Variants in PKD1L1 observed in about 807,000 individuals in gnomAD.
PKD1L1 encodes the protein polycystin-1-like protein 1.
PKD1L1 carries 236 observed loss-of-function variants against 323.4 expected under a neutral mutation model. That is an observed-to-expected ratio of 0.73 (90% CI 0.66 to 0.81). The LOEUF (loss-of-function observed/expected upper bound fraction) is 0.81, where lower values mean the gene tolerates loss of function less well. PKD1L1 is among the 40% of genes least tolerant of loss of function. The pLI is 0.00. For missense variants in PKD1L1, 3,320 were observed against 3,508.0 expected (o/e 0.95, Z 1.35); for synonymous variants, 1,344 against 1,335.0 (o/e 1.01, Z -0.15).
chr7:47,926,651 AAAGTTC>A (rs1787661077), intron 7 of PKD1L1, among the ~76,000 whole-genome samples: 1 of 152,222 alleles, frequency 6.6e-6, no homozygotes, highest in Admixed American at 6.5e-5. Context: ...GTGTGAGTCT[AAAGTTC>A]ATGTGGAAAA....
At chr7:47,799,081 G>A (rs1784606284) in intron 54 of PKD1L1, among the ~76,000 whole-genome samples, 1 of 152,232 alleles carries the variant, frequency 6.6e-6, no homozygotes, top group African/African-American at 2.4e-5. Flanking sequence ...CCCTGAGGCA[G>A]GAAGCAGTTA....
chr7:47,855,893 A>G (rs1361019886), intron 28 of PKD1L1, among the ~76,000 whole-genome samples: 2 of 150,450 alleles, frequency 1.3e-5, no homozygotes, highest in East Asian at 3.9e-4. Context: ...AAAAAAAAAA[A>G]AAAAAAAGAA....
chr7:47,904,263 G>C (rs759362387), intron 12 of PKD1L1, 115 bp downstream of exon 12: 8 of 1,396,908 alleles, frequency 5.7e-6, no homozygotes, highest in Non-Finnish European at 7.8e-6. Context: ...GTAATCATCT[G>C]TCACCTACGT....
chr7:47,832,699 A>G (rs921689445), intron 41 of PKD1L1, among the ~76,000 whole-genome samples: 5 of 152,224 alleles, frequency 3.3e-5, no homozygotes, highest in African/African-American at 1.2e-4. Flanking sequence ...CACCCTGGGC[A>G]CAGCCCTGGT....
At position 47,946,407 on chromosome 7, in the gene PKD1L1, C is replaced by T. The variant is rs570163905; in HGVS notation, c.44+1990G>A. 6.6e-6 allele frequency among the ~76,000 whole-genome samples: 1 copy of T among 150,474 alleles called. No homozygotes were observed. The highest frequency in any genetic ancestry group is 1.5e-5 in the Non-Finnish European group (1 of 67,574). On this transcript the variant is annotated intron_variant, in intron 1 of 56. Transcript: ENST00000289672. This position sits in a 1 kb window ranked among gnomAD's most constrained non-coding sequence, Gnocchi z 4.1. Reference sequence around the variant, plus strand: ...ACCACACTCACACCACACAAACACACCACACAGCATCACACACAATATACA... The same window carrying T: ...ACCACACTCACACCACACAAACACATCACACAGCATCACACACAATATACA...
At chr7:47,858,424 T>C (rs915192435) in intron 27 of PKD1L1, among the ~76,000 whole-genome samples, 2 of 151,886 alleles carry the variant, frequency 1.3e-5, no homozygotes, top group Non-Finnish European at 1.5e-5. Flanking sequence ...ATATCCCAAA[T>C]GAAAATCTAC....
intron 15 of PKD1L1, 62 bp from the exon 16 acceptor site, chr7:47,890,825 T>A: frequency 6.9e-7 from 1 of 1,457,494 alleles, no homozygotes; most frequent in South Asian, 1.2e-5. Context: ...GACTACCCTG[T>A]GTCACTGCAC....
chr7:47,880,247 G>GATAT (rs1270124549), intron 21 of PKD1L1, among the ~76,000 whole-genome samples: 4,825 of 97,790 alleles, frequency 0.049, 279 homozygotes, highest in Non-Finnish European at 0.058. Context: ...GCATAAATAA[G>GATAT]ATATATATAT....
At chr7:47,924,204 G>T (rs1400920707) in intron 7 of PKD1L1, among the ~76,000 whole-genome samples, 1 of 152,116 alleles carries the variant, frequency 6.6e-6, no homozygotes, top group Non-Finnish European at 1.5e-5. Flanking sequence ...TGGAGGCTGG[G>T]GTTTTGTAAA....
intron 1 of PKD1L1, 140 bp downstream of exon 1, chr7:47,948,257 A>AATGC: frequency 1.0e-6 from 1 of 970,294 alleles, no homozygotes; most frequent in Non-Finnish European, 1.6e-6. Flanking sequence ...CCGCCGGCCA[A>AATGC]ATGCACCCTC....
intron 13 of PKD1L1, among the ~76,000 whole-genome samples, chr7:47,900,115 T>C (rs1787053034): frequency 6.6e-6 from 1 of 152,244 alleles, no homozygotes; most frequent in African/African-American, 2.4e-5. Flanking sequence ...TTATTGTTTC[T>C]ATTCTGAATA....
chr7:47,798,133 T>G (rs940815326), intron 54 of PKD1L1, among the ~76,000 whole-genome samples: 1 of 152,136 alleles, frequency 6.6e-6, no homozygotes, highest in Non-Finnish European at 1.5e-5. Flanking sequence ...CTAGAACACC[T>G]ACAGTCAAAA....
chr7:47,959,021 G>A, the PKD1L1 span, among the ~76,000 whole-genome samples: 156 of 152,354 alleles, frequency 1.0e-3, 1 homozygote, highest in African/African-American at 3.5e-3. Flanking sequence ...ACGGGGTTTC[G>A]CTGTGTTGGC....
upstream of PKD1L1, among the ~76,000 whole-genome samples, chr7:47,951,283 A>T: frequency 6.6e-6 from 1 of 152,314 alleles, no homozygotes; most frequent in East Asian, 1.9e-4. Context: ...GCATGAAATC[A>T]ATGTGCAAGG....
intron 7 of PKD1L1, among the ~76,000 whole-genome samples, chr7:47,919,181 A>C (rs1384990857): frequency 6.6e-6 from 1 of 152,162 alleles, no homozygotes; most frequent in Non-Finnish European, 1.5e-5. Flanking sequence ...TAAGAAACAA[A>C]ACAGGGGATA....
At chr7:47,843,457 T>C (rs1295168802) in intron 33 of PKD1L1, among the ~76,000 whole-genome samples, 1 of 152,198 alleles carries the variant, frequency 6.6e-6, no homozygotes, top group African/African-American at 2.4e-5. Flanking sequence ...GGAACTTTCA[T>C]TGTGAACTAT....
rs1785468051 is a variant in PKD1L1 at position 47,836,865 on chromosome 7, GGGCCA to G, written c.5943+51_5943+55del. 22 of 1,546,510 alleles carry G rather than the reference GGGCCA, an allele frequency of 1.4e-5. No individual in the cohort carries two copies. In the East Asian group the frequency reaches 5.1e-4, roughly 36 times the overall value. On this transcript the variant is annotated intron_variant, in intron 37 of 56. Transcript: ENST00000289672. ...CTTTGTTGATTTCTTAGGCAAAAAGGGGCCACAGTGTAGTCGGATCTGGAAGCTGC... is the reference window on the plus strand; with the variant it reads ...CTTTGTTGATTTCTTAGGCAAAAAGGCAGTGTAGTCGGATCTGGAAGCTGC...
intron 4 of PKD1L1, among the ~76,000 whole-genome samples, 155 bp downstream of exon 4, chr7:47,936,691 T>C (rs1476840528): frequency 6.6e-6 from 1 of 152,194 alleles, no homozygotes; most frequent in Non-Finnish European, 1.5e-5. Flanking sequence ...CAGAACACCA[T>C]TCTTTTTTCC....
upstream of PKD1L1, among the ~76,000 whole-genome samples, chr7:47,950,625 G>A (rs35536957): frequency 0.46 from 69,752 of 151,842 alleles, 16,759 homozygotes; most frequent in East Asian, 0.54. Context: ...CAGGAGAATC[G>A]CTTGAACCGG....
Sources: allele counts gnomAD v4.1 joint callset (sites outside exome capture counted in the v4.1 genomes callset), GRCh38; gene constraint gnomAD v4.1.1; non-coding constraint Gnocchi (gnomAD v3.1); transcripts MANE v1.5; gene names NCBI Gene and HGNC (gene_info 2026-07-23, HGNC 2026-07-21).